OLA1: variants seen among roughly 807,000 people sequenced by gnomAD.
The protein encoded by OLA1 is obg-like ATPase 1.
OLA1 carries 14 observed loss-of-function variants against 48.4 expected under a neutral mutation model. The observed-to-expected ratio is 0.29, with a 90% CI of 0.19 to 0.45. The LOEUF is 0.45. Among genes scored for constraint, OLA1 ranks in the 20% least tolerant of loss-of-function variants. OLA1 has a pLI of 1.00. For synonymous variants in OLA1, 127 were observed against 150.4 expected (o/e 0.84, Z 1.14); for missense variants, 325 against 467.1 (o/e 0.70, Z 2.80).
chr2:174,222,270 T>G (rs974420038), intron 4 of OLA1, among the ~76,000 whole-genome samples: 3 of 152,170 alleles, frequency 2.0e-5, no homozygotes, highest in African/African-American at 7.2e-5. Context: ...TTAGTCAAAT[T>G]GCTATATTTT....
At chr2:174,136,796 C>G (rs1337892779) in intron 5 of OLA1, among the ~76,000 whole-genome samples, 4 of 151,836 alleles carry the variant, frequency 2.6e-5, no homozygotes, top group Admixed American at 1.3e-4. Flanking sequence ...CTCAGCCTCT[C>G]GAGTAGCTAG....
chr2:174,248,060 A>G (rs1303482763), intron 1 of OLA1: 2 of 292,024 alleles, frequency 6.8e-6, no homozygotes, highest in Non-Finnish European at 1.3e-5. Context: ...TTCCCTTCTC[A>G]GCGTCCTGAC....
At chr2:174,197,833 G>A (rs1183428482) in intron 4 of OLA1, among the ~76,000 whole-genome samples, 2 of 152,190 alleles carry the variant, frequency 1.3e-5, no homozygotes, top group African/African-American at 4.8e-5. Flanking sequence ...TGGAGTGTAG[G>A]TTTAACATCC....
chr2:174,147,732 T>A (rs959678805), intron 4 of OLA1, among the ~76,000 whole-genome samples: 2 of 152,252 alleles, frequency 1.3e-5, no homozygotes, highest in African/African-American at 4.8e-5. Context: ...AGTAATTTTT[T>A]AAAAACTTCT....
intron 4 of OLA1, among the ~76,000 whole-genome samples, chr2:174,151,196 C>A (rs887187005): frequency 3.3e-5 from 5 of 152,020 alleles, no homozygotes; most frequent in Admixed American, 2.6e-4. Flanking sequence ...AAGTAAAGAA[C>A]CAGCTAAAAG....
At chr2:174,093,038 G>T (rs1685163426) in intron 7 of OLA1, among the ~76,000 whole-genome samples, 1 of 152,144 alleles carries the variant, frequency 6.6e-6, no homozygotes, top group South Asian at 2.1e-4. Context: ...CTGCTTCAAG[G>T]CTACTAAGAC....
rs150458291 is a variant in OLA1 at position 174,108,141 on chromosome 2, GTATAA to G, written c.728+15034_728+15038del. 3.3e-3 allele frequency among the ~76,000 whole-genome samples: 507 copies of G among 152,150 alleles called. 5 individuals carry two copies. The highest frequency in any genetic ancestry group is 0.012 in the African/African-American group (489 of 41,548). Reference sequence around the variant, plus strand: ...ATAACAAAAGTATGTGAATAAAAGCGTATAATATTTTAAAATGAAACATCAGTGAT... The same window carrying G: ...ATAACAAAAGTATGTGAATAAAAGCGTATTTTAAAATGAAACATCAGTGAT... On this transcript the variant is annotated intron_variant, in intron 7 of 10. Transcript: ENST00000284719.
At chr2:174,147,905 T>A (rs1165148613) in intron 4 of OLA1, among the ~76,000 whole-genome samples, 1 of 152,044 alleles carries the variant, frequency 6.6e-6, no homozygotes, top group Non-Finnish European at 1.5e-5. Flanking sequence ...CTCACTGCAA[T>A]CTCCACCTCC....
At chr2:174,154,543 A>G (rs1191868964) in intron 4 of OLA1, among the ~76,000 whole-genome samples, 2 of 13,108 alleles carry the variant, frequency 1.5e-4, no homozygotes, top group Non-Finnish European at 0.017. Context: ...TGTACAGTTT[A>G]GTTTCCCCAT....
chr2:174,229,460 A>G lies in OLA1; in HGVS notation c.102-9T>C. The G allele has an allele frequency of 6.3e-7, 1 of 1,599,766 alleles. No homozygotes were observed. The highest frequency in any genetic ancestry group is 8.5e-7 in the Non-Finnish European group (1 of 1,174,340). ...TGAAGAAAGTAGATTTCCTAAAACA[A>G]ATAAAAGCAATTTCAATCAATTCTT... On this transcript the variant is annotated splice_polypyrimidine_tract_variant and intron_variant, in intron 2 of 10. Transcript: ENST00000284719.
At chr2:174,145,005 T>C in intron 4 of OLA1, among the ~76,000 whole-genome samples, 1 of 129,900 alleles carries the variant, frequency 7.7e-6, no homozygotes, top group East Asian at 2.7e-4. Flanking sequence ...ATATATTCCG[T>C]GAACTCAGAA....
intron 4 of OLA1, among the ~76,000 whole-genome samples, chr2:174,160,924 G>A (rs1390101597): frequency 6.6e-6 from 1 of 152,140 alleles, no homozygotes; most frequent in Non-Finnish European, 1.5e-5. Context: ...CAGCTTCACA[G>A]AACCCTAAAC....
intron 4 of OLA1, among the ~76,000 whole-genome samples, chr2:174,143,236 T>C (rs1358418371): frequency 1.3e-5 from 2 of 152,188 alleles, no homozygotes; most frequent in African/African-American, 4.8e-5. Context: ...ACAAATAATA[T>C]ACTATTTAAT....
chr2:174,130,774 A>G (rs1331674621), intron 5 of OLA1, among the ~76,000 whole-genome samples: 1 of 152,210 alleles, frequency 6.6e-6, no homozygotes, highest in Non-Finnish European at 1.5e-5. Context: ...CTGAGAAACA[A>G]AAAAACCTCA....
At chr2:174,082,968 T>C (rs752206972) in intron 7 of OLA1, among the ~76,000 whole-genome samples, 2 of 152,112 alleles carry the variant, frequency 1.3e-5, no homozygotes, top group African/African-American at 2.4e-5. Context: ...CTTGTAAAAA[T>C]AGAGATAATA....
chr2:174,075,182 TCTA>T lies in OLA1; in HGVS notation c.*241_*243del. ...AGAGTAATATGGTTCCTGAAAAGCTTCTACAATTTGGAGTAGGGTCTTAATCAC... is the reference window on the plus strand; with the variant it reads ...AGAGTAATATGGTTCCTGAAAAGCTTCAATTTGGAGTAGGGTCTTAATCAC... On this transcript the variant is annotated 3_prime_UTR_variant, in exon 11 of 11. Transcript: ENST00000284719. 2.5e-6 allele frequency: 1 copy of T among 399,512 alleles called. No individual in the cohort carries two copies. The highest frequency in any genetic ancestry group is 4.5e-6 in the Non-Finnish European group (1 of 221,594). The allele number at this position is 399,512 out of a possible 1,614,324, so 24.7% of individuals were successfully genotyped here. A position where few individuals can be genotyped will look rare whatever the true frequency, so the allele number is the denominator to read the frequency against.
At chr2:174,218,380 A>AC (rs1201992446) in intron 4 of OLA1, among the ~76,000 whole-genome samples, 1 of 152,158 alleles carries the variant, frequency 6.6e-6, no homozygotes, top group Non-Finnish European at 1.5e-5. Context: ...TGAAAAAAAA[A>AC]CCACCAGAAT....
At chr2:174,182,297 G>T (rs577114321) in intron 4 of OLA1, among the ~76,000 whole-genome samples, 50 of 152,288 alleles carry the variant, frequency 3.3e-4, no homozygotes, top group African/African-American at 1.2e-3. Flanking sequence ...GGCCGAGGTG[G>T]GCGGAACACC....
chr2:174,194,856 C>G (rs1687849414), intron 4 of OLA1, among the ~76,000 whole-genome samples: 1 of 152,146 alleles, frequency 6.6e-6, no homozygotes, highest in Non-Finnish European at 1.5e-5. Context: ...CATACATTTA[C>G]CACAACTCTA....
Sources: gnomAD v4.1 joint callset for allele counts (sites outside exome capture counted in the v4.1 genomes callset) on GRCh38, gnomAD v4.1.1 for gene constraint, MANE v1.5 for transcripts, NCBI Gene and HGNC (gene_info 2026-07-23, HGNC 2026-07-21) for gene names.